Variants in SGSM1 observed in about 807,000 individuals in gnomAD.
SGSM1 encodes RUN and TBC1 domain containing 2.
Under a neutral mutation model 133.8 loss-of-function variants are expected in SGSM1, and 73 were observed. The observed-to-expected ratio is 0.55, with a 90% confidence interval of 0.45 to 0.66. The LOEUF is 0.66. Ranked by LOEUF, SGSM1 falls within the 30% of genes least tolerant of loss-of-function variation. SGSM1 has a pLI of 0.00. For missense variants in SGSM1, 1,213 were observed against 1,448.1 expected (o/e 0.84, Z 2.64); for synonymous variants, 563 against 573.0 (o/e 0.98, Z 0.25).
At chr22:24,872,911 T>C (rs1931836556) in intron 12 of SGSM1, among the ~76,000 whole-genome samples, 1 of 148,714 alleles carries the variant, frequency 6.7e-6, no homozygotes, top group African/African-American at 2.5e-5. Flanking sequence ...AGAGCGAGAC[T>C]CCATCTCAAA....
intron 22 of SGSM1, among the ~76,000 whole-genome samples, chr22:24,915,018 G>A (rs1253983914): frequency 2.0e-5 from 3 of 152,116 alleles, no homozygotes; most frequent in Non-Finnish European, 4.4e-5. Context: ...CACGAGGTCA[G>A]GAGATTGAGA....
chr22:24,914,291 T>TTA (rs1417685802), intron 22 of SGSM1, among the ~76,000 whole-genome samples: 1 of 44,626 alleles, frequency 2.2e-5, no homozygotes, highest in African/African-American at 1.2e-4. Flanking sequence ...AGACTCCATC[T>TTA]CAAAAAAAAA....
At chr22:24,855,812 G>A (rs535650448) in intron 8 of SGSM1, 132 bp downstream of exon 8, 10 of 1,298,456 alleles carry the variant, frequency 7.7e-6, no homozygotes, top group South Asian at 2.5e-5. Context: ...ACATCCACCC[G>A]CCCAACACTC....
At chr22:24,919,325 C>CT (rs1933927379) in intron 23 of SGSM1, among the ~76,000 whole-genome samples, 1 of 152,248 alleles carries the variant, frequency 6.6e-6, no homozygotes, top group African/African-American at 2.4e-5. Flanking sequence ...GCTGGGATTA[C>CT]AGTCATGAGC....
chr22:24,880,029 C>T (rs1359926758), intron 14 of SGSM1, among the ~76,000 whole-genome samples: 1 of 152,056 alleles, frequency 6.6e-6, no homozygotes, highest in Non-Finnish European at 1.5e-5. Flanking sequence ...GACACTAAGG[C>T]ACAGAGAGGC....
chr22:24,868,321 C>T (rs965129571), intron 10 of SGSM1, 55 bp from the exon 11 acceptor site: 2 of 1,564,164 alleles, frequency 1.3e-6, no homozygotes, highest in Non-Finnish European at 1.7e-6. Flanking sequence ...AAGGGGCTGT[C>T]ACCGTGCCTC....
At position 24,898,547 on chromosome 22, in the gene SGSM1, C is replaced by G; in HGVS notation, c.2598C>G (p.Gly866=). Residue 866 remains glycine (G), a synonymous_variant, in exon 19 of 25, where the codon GGC becomes GGG. Transcript: ENST00000400358. ...ANEVSPVSSS[G]VTYSPELLDL... is the part of the protein sequence containing the mutation. ...AGGTGTCCCCTGTGTCTTCCAGCGG[C>G]GTCACCTACTCTGTAAGTCACCAGG... The G allele has an allele frequency of 6.2e-7, 1 of 1,604,628 alleles. No homozygotes were observed.
chr22:24,856,184 G>A, intron 8 of SGSM1: 1 of 330,302 alleles, frequency 3.0e-6, no homozygotes, highest in Non-Finnish European at 6.0e-6. Flanking sequence ...CCTGCTATGT[G>A]CTAGGTGCAT....
At chr22:24,811,542 A>G (rs1927742310) in intron 2 of SGSM1, among the ~76,000 whole-genome samples, 1 of 152,166 alleles carries the variant, frequency 6.6e-6, no homozygotes, top group South Asian at 2.1e-4. Flanking sequence ...GACTTAGGCC[A>G]TAGAAGAGAG....
At chr22:24,906,931 A>G (rs145091850) in intron 21 of SGSM1, among the ~76,000 whole-genome samples, 3,088 of 151,624 alleles carry the variant, frequency 0.02, 104 homozygotes, top group African/African-American at 0.07. Flanking sequence ...AGCCTGGGCA[A>G]CAGAGTGAGA....
At chr22:24,810,505 G>T (rs997549878) in intron 2 of SGSM1, among the ~76,000 whole-genome samples, 1 of 152,106 alleles carries the variant, frequency 6.6e-6, no homozygotes, top group Non-Finnish European at 1.5e-5. Context: ...TTCCCAGAGC[G>T]AGCAGGGACT....
chr22:24,874,311 G>C (rs147497627), intron 12 of SGSM1: 12 of 1,201,016 alleles, frequency 1.0e-5, no homozygotes, highest in Non-Finnish European at 1.4e-5. Flanking sequence ...GAGCCGGGAA[G>C]GGGGAGGGTT....
chr22:24,830,351 A>G (rs1228224059), intron 2 of SGSM1, among the ~76,000 whole-genome samples: 3 of 152,130 alleles, frequency 2.0e-5, no homozygotes, highest in African/African-American at 7.2e-5. Context: ...CCAGGGTAAG[A>G]AGGTTGCAGC....
Position 24,924,365 on chromosome 22 carries a change from C to A in SGSM1, c.*91C>A. The A allele has an allele frequency of 8.9e-7, 1 of 1,122,378 alleles. No homozygotes were observed. Among genetic ancestry groups the A allele is most frequent in the Non-Finnish European group, 1.3e-6 (1 of 753,058 alleles). 69.5% of individuals were successfully genotyped at this position (1,122,378 alleles called of 1,614,324 possible). ...CCTGGCTGGATGGGCACCCCGGGAG[C>A]GGGGTCCTGGTGTCTGTTCACAAGC... On this transcript the variant is annotated 3_prime_UTR_variant, in exon 25 of 25. Transcript: ENST00000400358.
At chr22:24,901,325 A>C (rs1464639231) in intron 19 of SGSM1, 2 of 152,066 alleles carry the variant, frequency 1.3e-5, no homozygotes, top group African/African-American at 2.4e-5. Context: ...CTCTTATTAG[A>C]TCTTCAACTT....
At chr22:24,886,528 A>T (rs1932610308) in intron 15 of SGSM1, 72 bp from the exon 16 acceptor site, 2 of 1,518,876 alleles carry the variant, frequency 1.3e-6, no homozygotes, top group African/African-American at 2.8e-5. Flanking sequence ...ACATGGTGAA[A>T]CCCCATCCCT....
intron 2 of SGSM1, among the ~76,000 whole-genome samples, chr22:24,828,749 A>G (rs1928937235): frequency 6.6e-6 from 1 of 152,248 alleles, no homozygotes; most frequent in African/African-American, 2.4e-5. Context: ...AGTGTAAATC[A>G]TTCTGTTATA....
At chr22:24,886,174 G>A (rs1166889739) in intron 15 of SGSM1, among the ~76,000 whole-genome samples, 3 of 150,338 alleles carry the variant, frequency 2.0e-5, no homozygotes, top group Non-Finnish European at 4.4e-5. Flanking sequence ...ATCAGAGTCC[G>A]AGACCACCCT....
intron 20 of SGSM1, among the ~76,000 whole-genome samples, chr22:24,903,975 C>T (rs931032566): frequency 1.1e-5 from 1 of 90,218 alleles, no homozygotes; most frequent in Non-Finnish European, 2.2e-5. Flanking sequence ...TCTGTCTCAA[C>T]AAAAAGAAAA....
Sources: gnomAD v4.1 joint callset for allele counts (sites outside exome capture counted in the v4.1 genomes callset) on GRCh38, gnomAD v4.1.1 for gene constraint, MANE v1.5 for transcripts, NCBI Gene and HGNC (gene_info 2026-07-23, HGNC 2026-07-21) for gene names.